Variants in N4BP2 observed in about 807,000 individuals in gnomAD.
N4BP2 encodes the protein NEDD4-binding protein 2.
In N4BP2, 91 loss-of-function variants were observed where a neutral mutation model predicts 152.8. The ratio of observed to expected loss-of-function variants is 0.60; its 90% CI spans 0.50 to 0.71. The LOEUF is 0.71. Ranked by LOEUF, N4BP2 falls within the 30% of genes least tolerant of loss-of-function variation. The pLI, the probability that N4BP2 is intolerant of heterozygous loss-of-function variation, is 0.00. For missense variants in N4BP2, 1,923 were observed against 2,059.1 expected (o/e 0.93, Z 1.28); for synonymous variants, 646 against 705.3 (o/e 0.92, Z 1.33).
At chr4:40,101,708 G>C (rs887984739) in intron 3 of N4BP2, among the ~76,000 whole-genome samples, 1 of 152,086 alleles carries the variant, frequency 6.6e-6, no homozygotes, top group African/African-American at 2.4e-5. Flanking sequence ...GCATGCAATA[G>C]GTAAGTATTT....
intron 2 of N4BP2, among the ~76,000 whole-genome samples, chr4:40,093,848 C>T (rs1307050126): frequency 1.3e-5 from 2 of 152,120 alleles, no homozygotes; most frequent in Admixed American, 1.3e-4. Context: ...GATCCACCCA[C>T]CTCGGCCTCC....
At chr4:40,167,261 G>C in the N4BP2 span, 6 of 152,160 alleles carry the variant, frequency 3.9e-5, no homozygotes, top group Admixed American at 1.3e-4. Flanking sequence ...TGAAATACAA[G>C]AGAAAAGCCA....
chr4:40,123,945 G>T (rs540285527), intron 10 of N4BP2, among the ~76,000 whole-genome samples: 1 of 151,354 alleles, frequency 6.6e-6, no homozygotes, highest in East Asian at 1.9e-4. Flanking sequence ...TTTAAATGCA[G>T]TATTTTTACC....
chr4:40,072,572 G>T (rs1274142253), intron 1 of N4BP2, among the ~76,000 whole-genome samples: 2 of 151,456 alleles, frequency 1.3e-5, no homozygotes, highest in African/African-American at 2.4e-5. Context: ...AATTTTAGTA[G>T]AGATGAGGTT....
intron 13 of N4BP2, among the ~76,000 whole-genome samples, chr4:40,135,264 C>CA (rs1247806108): frequency 6.6e-6 from 1 of 151,692 alleles, no homozygotes; most frequent in Non-Finnish European, 1.5e-5. Flanking sequence ...CATGTCCCTA[C>CA]AAAGGACATG....
At chr4:40,174,751 G>A in the N4BP2 span, among the ~76,000 whole-genome samples, 7 of 152,218 alleles carry the variant, frequency 4.6e-5, no homozygotes, top group South Asian at 6.2e-4. Flanking sequence ...GCAGTGAGCC[G>A]AGATCGCGCC....
chr4:40,091,495 T>C (rs1016932513), intron 2 of N4BP2, among the ~76,000 whole-genome samples: 3 of 152,098 alleles, frequency 2.0e-5, no homozygotes, highest in Non-Finnish European at 4.4e-5. Context: ...TCTGCATTGA[T>C]TGATACAATT....
chr4:40,186,823 C>T, the N4BP2 span, among the ~76,000 whole-genome samples: 2 of 152,234 alleles, frequency 1.3e-5, no homozygotes, highest in African/African-American at 2.4e-5. Flanking sequence ...ATACTTGTCT[C>T]TCTTTCATTG....
At chr4:40,077,485 G>A (rs1326954892) in intron 2 of N4BP2, among the ~76,000 whole-genome samples, 1 of 139,662 alleles carries the variant, frequency 7.2e-6, no homozygotes, top group Non-Finnish European at 1.5e-5. Context: ...ACTGAGTCTC[G>A]CTCTGTCACC....
In N4BP2 at chr4:40,120,474, T is replaced by G; in HGVS notation, c.2363T>G (p.Val788Gly). 6.2e-7 allele frequency: 1 copy of G among 1,613,772 alleles called. No individual in the cohort carries two copies. Among genetic ancestry groups the G allele is most frequent in the Non-Finnish European group, 8.5e-7 (1 of 1,179,990 alleles). Reference protein sequence around the residue: ...KFPRHELSNFVGDWPVDKTIG... With the variant: ...KFPRHELSNFGGDWPVDKTIG... ...CCAAGACATGAGCTATCAAATTTTG[T>G]TGGTGACTGGCCAGTTGATAAGACT... is the stretch of plus-strand genomic sequence containing the variant. The change falls in exon 9 of 18, where the codon GTT becomes GGT. Residue 788 changes from valine to glycine, a missense_variant. Coordinates refer to ENST00000261435, the MANE Select transcript of N4BP2 (RefSeq NM_018177.6).
At chr4:40,136,067 C>T (rs748438146) in intron 13 of N4BP2, among the ~76,000 whole-genome samples, 4 of 152,166 alleles carry the variant, frequency 2.6e-5, no homozygotes, top group South Asian at 2.1e-4. Context: ...ATAGTATCAC[C>T]GTCAAGATAT....
chr4:40,187,475 T>C, the N4BP2 span, among the ~76,000 whole-genome samples: 69 of 149,750 alleles, frequency 4.6e-4, 1 homozygote, highest in African/African-American at 1.6e-3. Flanking sequence ...GTTATTTATT[T>C]ATTTTTAAAA....
At chr4:40,132,762 CTTTAG>C (rs1025300572) in intron 13 of N4BP2, among the ~76,000 whole-genome samples, 1 of 151,420 alleles carries the variant, frequency 6.6e-6, no homozygotes, top group African/African-American at 2.4e-5. Flanking sequence ...AGATTTTGAT[CTTTAG>C]TTTATTAATA....
At chr4:40,172,810 C>G in the N4BP2 span, among the ~76,000 whole-genome samples, 3 of 152,338 alleles carry the variant, frequency 2.0e-5, no homozygotes, top group African/African-American at 7.2e-5. Context: ...TCACTGCAAT[C>G]TTCCCAACAA....
intron 1 of N4BP2, among the ~76,000 whole-genome samples, chr4:40,069,754 T>C (rs1218812044): frequency 6.6e-6 from 1 of 151,838 alleles, no homozygotes; most frequent in Non-Finnish European, 1.5e-5. Flanking sequence ...CAAAACAAAA[T>C]AAAAGAAGCA....
chr4:40,100,983 A>G (rs1217448706), intron 3 of N4BP2, among the ~76,000 whole-genome samples: 2 of 152,054 alleles, frequency 1.3e-5, no homozygotes, highest in Non-Finnish European at 2.9e-5. Context: ...ATTTCACCCA[A>G]TCGACCTCCT....
At chr4:40,118,068 A>C in intron 8 of N4BP2, 44 bp downstream of exon 8, 2 of 1,437,324 alleles carry the variant, frequency 1.4e-6, no homozygotes, top group Non-Finnish European at 1.9e-6. Context: ...TTGAAATATA[A>C]TTTTTAAAAG....
At chr4:40,061,945 G>A (rs1355748490) in intron 1 of N4BP2, among the ~76,000 whole-genome samples, 1 of 152,132 alleles carries the variant, frequency 6.6e-6, no homozygotes, top group Non-Finnish European at 1.5e-5. Flanking sequence ...GGTTACAGGT[G>A]TGAACCACCA....
At chr4:40,135,989 T>C (rs1023986551) in intron 13 of N4BP2, among the ~76,000 whole-genome samples, 6 of 152,234 alleles carry the variant, frequency 3.9e-5, no homozygotes, top group African/African-American at 1.4e-4. Flanking sequence ...TGAATGATTT[T>C]CTTTAGATAT....
Sources: allele counts gnomAD v4.1 joint callset (sites outside exome capture counted in the v4.1 genomes callset), GRCh38; gene constraint gnomAD v4.1.1; transcripts MANE v1.5; gene names NCBI Gene and HGNC (gene_info 2026-07-23, HGNC 2026-07-21).